NUP133: variants seen among roughly 807,000 people sequenced by gnomAD.
NUP133 encodes nuclear pore complex protein Nup133.
In NUP133, 66 loss-of-function variants were observed where a neutral mutation model predicts 146.2. That is an observed-to-expected ratio of 0.45 (90% CI 0.37 to 0.55). The LOEUF is 0.55. NUP133 is among the 20% of genes least tolerant of loss of function. The pLI, the probability that NUP133 is intolerant of heterozygous loss-of-function variation, is 0.00. For synonymous variants in NUP133, 521 were observed against 498.8 expected (o/e 1.04, Z -0.59); for missense variants, 1,277 against 1,374.8 (o/e 0.93, Z 1.12).
At chr1:229,492,661 G>A (rs996284108) in intron 8 of NUP133, among the ~76,000 whole-genome samples, 1 of 151,852 alleles carries the variant, frequency 6.6e-6, no homozygotes, top group African/African-American at 2.4e-5. Context: ...AAGTAACTCA[G>A]GAATGGAAAA....
intron 14 of NUP133, among the ~76,000 whole-genome samples, chr1:229,474,460 A>C (rs186842273): frequency 2.5e-3 from 385 of 152,264 alleles, no homozygotes; most frequent in African/African-American, 9.0e-3. Context: ...TTTCTTGCCA[A>C]GAAAATAAAA....
chr1:229,465,636 G>A (rs577029020), intron 16 of NUP133, 117 bp from the exon 17 acceptor site: 1 of 759,246 alleles, frequency 1.3e-6, no homozygotes, highest in African/African-American at 1.7e-5. Context: ...GGCCAGGAAT[G>A]TTGGCTCACA....
chr1:229,461,852 T>C (rs1328211718), intron 19 of NUP133, among the ~76,000 whole-genome samples: 4 of 151,948 alleles, frequency 2.6e-5, no homozygotes, highest in African/African-American at 9.7e-5. Flanking sequence ...TAGCAATGTT[T>C]TGATATACTA....
chr1:229,460,878 A>C (rs1660677337), intron 19 of NUP133, 109 bp from the exon 20 acceptor site: 1 of 838,594 alleles, frequency 1.2e-6, no homozygotes, highest in Non-Finnish European at 1.8e-6. Context: ...AACCTGTTCT[A>C]AACAATAATT....
At chr1:229,469,601 G>C (rs1660907242) in intron 15 of NUP133, among the ~76,000 whole-genome samples, 1 of 152,220 alleles carries the variant, frequency 6.6e-6, no homozygotes, top group African/African-American at 2.4e-5. Flanking sequence ...CAAGGAGGGG[G>C]CAGCTACTGG....
At chr1:229,505,564 T>TAGAAA in intron 2 of NUP133, among the ~76,000 whole-genome samples, 1 of 63,220 alleles carries the variant, frequency 1.6e-5, no homozygotes, top group Non-Finnish European at 3.0e-5. Flanking sequence ...CAATTACAGT[T>TAGAAA]AAAAAAAAAA....
chr1:229,508,004 C>T, intron 1 of NUP133, 64 bp downstream of exon 1: 1 of 1,385,214 alleles, frequency 7.2e-7, no homozygotes, highest in Non-Finnish European at 9.4e-7. Context: ...AGACAACAAC[C>T]TATCCGGCCC....
chr1:229,443,894 CTTTTTTTTTT>C (rs746631129), intron 25 of NUP133, among the ~76,000 whole-genome samples: 1 of 114,874 alleles, frequency 8.7e-6, no homozygotes, highest in South Asian at 2.8e-4. Context: ...GTGCTCAACT[CTTTTTTTTTT>C]TTTTTTTTTT....
Position 229,495,425 on chromosome 1 carries a change from T to C in NUP133, c.1046+70A>G, listed in dbSNP as rs988429208. 2.0e-5 allele frequency: 21 copies of C among 1,070,474 alleles called. No individual in the cohort carries two copies. The Admixed American group carries it at 3.5e-4, about 18-fold the overall frequency. 66.3% of individuals were successfully genotyped at this position (1,070,474 alleles called of 1,614,324 possible). Reference sequence around the variant, plus strand: ...AGCACATAGTGAGATTGCTCATCATTTTATTATAAACATCAACTTATTTTT... The same window carrying C: ...AGCACATAGTGAGATTGCTCATCATCTTATTATAAACATCAACTTATTTTT... On this transcript the variant is annotated intron_variant, in intron 8 of 25. Transcript: ENST00000261396.
rs1056935969 is a variant in NUP133, at chr1:229,501,313, C to A, written c.406-450G>T. On this transcript the variant is annotated intron_variant, in intron 3 of 25. Transcript: ENST00000261396. ...CCAAATATCAGGATCCCGCAGCTAA[C>A]TCAGTATGTCCCCCAGGAATTCACC... Among the ~76,000 whole-genome samples the A allele has an allele frequency of 2.0e-5, 3 of 152,198 alleles. No homozygotes were observed. In the South Asian group the frequency reaches 6.2e-4, roughly 31 times the overall value.
At chr1:229,491,351 A>T (rs1661508091) in intron 8 of NUP133, among the ~76,000 whole-genome samples, 1 of 152,184 alleles carries the variant, frequency 6.6e-6, no homozygotes, top group Admixed American at 6.5e-5. Context: ...AACATTTTTA[A>T]AAAAGTTTTA....
intron 1 of NUP133, among the ~76,000 whole-genome samples, chr1:229,506,363 C>A (rs1475195383): frequency 1.3e-5 from 2 of 149,530 alleles, no homozygotes; most frequent in African/African-American, 4.9e-5. Flanking sequence ...CCCATAGACT[C>A]TAGTATTGAA....
At chr1:229,467,179 A>G (rs1660845275) in intron 15 of NUP133, among the ~76,000 whole-genome samples, 1 of 152,260 alleles carries the variant, frequency 6.6e-6, no homozygotes, top group Non-Finnish European at 1.5e-5. Flanking sequence ...TTCTTCAGAC[A>G]TAACAGAAAC....
chr1:229,488,897 G>A (rs967759579), intron 9 of NUP133, among the ~76,000 whole-genome samples: 1 of 152,088 alleles, frequency 6.6e-6, no homozygotes, highest in Non-Finnish European at 1.5e-5. Flanking sequence ...CTATGTAAGA[G>A]TAAATAAAAT....
intron 14 of NUP133, among the ~76,000 whole-genome samples, chr1:229,474,621 T>C (rs1185171651): frequency 6.6e-6 from 1 of 152,180 alleles, no homozygotes; most frequent in East Asian, 1.9e-4. Flanking sequence ...ATTCAGTTCT[T>C]CAGTTGCTAG....
intron 2 of NUP133, among the ~76,000 whole-genome samples, chr1:229,504,174 T>C (rs777836858): frequency 1.3e-5 from 2 of 152,124 alleles, no homozygotes; most frequent in Non-Finnish European, 2.9e-5. Flanking sequence ...AGTTATACAG[T>C]AAATAGAGTT....
chr1:229,450,681 G>A (rs575533812), intron 22 of NUP133, 76 bp from the exon 23 acceptor site: 3 of 667,476 alleles, frequency 4.5e-6, no homozygotes, highest in South Asian at 4.4e-5. Context: ...GAGAAAAGAA[G>A]TCATTATGTC....
In NUP133 at chr1:229,498,323, T is replaced by G; in HGVS notation, c.649-17A>C. The stretch of plus-strand genomic sequence containing the variant: ...ACTTCCTCCCTGTGAAAAAACATTA[T>G]GAGGTTAGTTCAGTTTAGCATCGAA... On this transcript the variant is annotated splice_polypyrimidine_tract_variant and intron_variant, in intron 5 of 25. Transcript: ENST00000261396. 6.4e-7 allele frequency: 1 copy of G among 1,560,818 alleles called. No individual in the cohort carries two copies.
At chr1:229,448,077 C>T (rs1660354125) in intron 24 of NUP133, among the ~76,000 whole-genome samples, 1 of 152,216 alleles carries the variant, frequency 6.6e-6, no homozygotes, top group Non-Finnish European at 1.5e-5. Context: ...CCCACCAGCA[C>T]CACAATAGTT....
Sources: allele counts gnomAD v4.1 joint callset (sites outside exome capture counted in the v4.1 genomes callset), GRCh38; gene constraint gnomAD v4.1.1; transcripts MANE v1.5; gene names NCBI Gene and HGNC (gene_info 2026-07-23, HGNC 2026-07-21).